DSCAML1: variants seen among roughly 807,000 people sequenced by gnomAD.
The protein encoded by DSCAML1 is cell adhesion molecule DSCAML1.
A neutral mutation model predicts 200.5 loss-of-function variants in DSCAML1; 38 were observed. The observed-to-expected ratio is 0.19, with a 90% CI of 0.15 to 0.25. The LOEUF (loss-of-function observed/expected upper bound fraction) is 0.25, where lower values mean the gene tolerates loss of function less well. DSCAML1 is among the 10% of genes least tolerant of loss of function. The pLI, the probability that DSCAML1 is intolerant of heterozygous loss-of-function variation, is 1.00. For synonymous variants in DSCAML1, 1,215 were observed against 1,165.0 expected (o/e 1.04, Z -0.87); for missense variants, 2,223 against 2,858.8 (o/e 0.78, Z 5.07).
At chr11:117,621,505 G>A (rs1342044714) in intron 3 of DSCAML1, among the ~76,000 whole-genome samples, 2 of 152,344 alleles carry the variant, frequency 1.3e-5, no homozygotes, top group East Asian at 3.9e-4. Context: ...GGGAGGATAA[G>A]TGGTGCTTTA....
At chr11:117,672,431 AG>A (rs11349267) in intron 3 of DSCAML1, among the ~76,000 whole-genome samples, 5,466 of 152,242 alleles carry the variant, frequency 0.036, 133 homozygotes, top group Middle Eastern at 0.082. Context: ...CTATTAGCAA[AG>A]ATTCACAAAA....
In DSCAML1 at chr11:117,481,289, G is replaced by A. The variant is rs201498661; in HGVS notation, c.2560-19C>T. The A allele has an allele frequency of 3.1e-5, 50 of 1,611,348 alleles. No homozygotes were observed. Among genetic ancestry groups the A allele is most frequent in the Middle Eastern group, 3.3e-4 (2 of 6,056 alleles). ...GCTTGAGCTGGGAGACCACCAGCAG[G>A]GGCAGGAGAGGGAGTAAACAGGGAG... On this transcript the variant is annotated intron_variant, in intron 12 of 32. Transcript: ENST00000651296.
At chr11:117,682,470 T>C (rs997075991) in intron 3 of DSCAML1, among the ~76,000 whole-genome samples, 2 of 152,206 alleles carry the variant, frequency 1.3e-5, no homozygotes, top group African/African-American at 4.8e-5. Context: ...ACCTCTCCCA[T>C]GGCCCATCCA....
At chr11:117,536,101 G>A (rs2050162972) in intron 3 of DSCAML1, among the ~76,000 whole-genome samples, 2 of 151,932 alleles carry the variant, frequency 1.3e-5, no homozygotes, top group South Asian at 2.1e-4. Flanking sequence ...GCAGGCTGCA[G>A]CCAGGGGGAT....
intron 3 of DSCAML1, among the ~76,000 whole-genome samples, chr11:117,698,182 T>C (rs936727252): frequency 6.6e-6 from 1 of 152,338 alleles, no homozygotes; most frequent in East Asian, 1.9e-4. Flanking sequence ...CTTTAACTAT[T>C]GTGAAGGCTG....
intron 3 of DSCAML1, among the ~76,000 whole-genome samples, chr11:117,541,366 A>G (rs550967092): frequency 6.6e-6 from 1 of 152,332 alleles, no homozygotes; most frequent in South Asian, 2.1e-4. Flanking sequence ...TTCACCCTGT[A>G]TGCCAGCTCC....
chr11:117,816,582 G>A (rs556558455), intron 1 of DSCAML1, among the ~76,000 whole-genome samples: 1 of 152,182 alleles, frequency 6.6e-6, no homozygotes, highest in Non-Finnish European at 1.5e-5. Flanking sequence ...CGAGCAGAGC[G>A]GAGGGAGGGT....
At position 117,524,842 on chromosome 11, in the gene DSCAML1, G is replaced by T. The variant is rs755827831; in HGVS notation, c.900C>A (p.Phe300Leu). 6.3e-7 allele frequency: 1 copy of T among 1,594,982 alleles called. No individual in the cohort carries two copies. The highest frequency in any genetic ancestry group is 8.5e-7 in the Non-Finnish European group (1 of 1,170,078). ...GGATGCCTGTGGCCTCTGCCGAACCGAAGGTGTTGGTGACCTCACAAATGT... is the reference window on the plus strand; with the variant it reads ...GGATGCCTGTGGCCTCTGCCGAACCTAAGGTGTTGGTGACCTCACAAATGT... The part of the protein sequence containing the change: ...GTYICEVTNT[F>L]GSAEATGILM... Residue 300 changes from phenylalanine (F) to leucine (L), a missense_variant, in exon 5 of 33, where the codon TTC becomes TTA. This residue lies in a region of DSCAML1 where 579 missense variants were observed against 721.5 expected (regional missense o/e 0.80). Coordinates refer to ENST00000651296, the MANE Select transcript of DSCAML1 (RefSeq NM_020693.4).
intron 3 of DSCAML1, among the ~76,000 whole-genome samples, chr11:117,692,860 T>C (rs936757413): frequency 1.3e-5 from 2 of 152,242 alleles, no homozygotes; most frequent in African/African-American, 4.8e-5. Flanking sequence ...TCCCAAGTTC[T>C]GCCCTCTGGA....
chr11:117,540,270 A>G (rs1017480413), intron 3 of DSCAML1, among the ~76,000 whole-genome samples: 2 of 152,206 alleles, frequency 1.3e-5, no homozygotes, highest in African/African-American at 4.8e-5. Context: ...TCAGATCAGC[A>G]GCAGCATTAG....
chr11:117,512,643 T>TACAC (rs71037481), intron 8 of DSCAML1, among the ~76,000 whole-genome samples: 2,944 of 125,000 alleles, frequency 0.024, 44 homozygotes, highest in Middle Eastern at 0.057. Context: ...CAAGCGTGTG[T>TACAC]ACACACACAC....
At chr11:117,658,870 T>C (rs1287344138) in intron 3 of DSCAML1, among the ~76,000 whole-genome samples, 2 of 152,210 alleles carry the variant, frequency 1.3e-5, no homozygotes, top group African/African-American at 4.8e-5. Context: ...TGAGCAAATG[T>C]TGGTTAACTG....
At chr11:117,458,966 G>T (rs2048426526) in intron 18 of DSCAML1, 57 bp from the exon 19 acceptor site, 6 of 1,580,194 alleles carry the variant, frequency 3.8e-6, no homozygotes, top group Non-Finnish European at 3.4e-6. Flanking sequence ...GGCCCCTGCT[G>T]CTACCCCTGC....
intron 30 of DSCAML1, 89 bp from the exon 31 acceptor site, chr11:117,431,817 G>A: frequency 1.5e-6 from 2 of 1,321,340 alleles, no homozygotes; most frequent in Non-Finnish European, 2.0e-6. Context: ...GCAGGGGGGA[G>A]CAAGGGAAGA....
chr11:117,667,728 G>A (rs766025812), intron 3 of DSCAML1, among the ~76,000 whole-genome samples: 25 of 152,198 alleles, frequency 1.6e-4, no homozygotes, highest in Non-Finnish European at 3.4e-4. Flanking sequence ...AGAGTTGATC[G>A]TTGATTATAG....
intron 3 of DSCAML1, among the ~76,000 whole-genome samples, chr11:117,571,495 T>C (rs1239150899): frequency 2.6e-5 from 4 of 152,194 alleles, no homozygotes; most frequent in Admixed American, 2.6e-4. Flanking sequence ...CCTGGAGCAC[T>C]AGCCTTCATC....
intron 1 of DSCAML1, 29 bp downstream of exon 1, chr11:117,797,005 C>CGCCGCCCA (rs1263711254): frequency 3.6e-6 from 5 of 1,395,230 alleles, no homozygotes; most frequent in East Asian, 2.9e-5. Context: ...CCGCCGCCTC[C>CGCCGCCCA]GCCGCCCAGC....
chr11:117,593,904 G>A (rs1252371213), intron 3 of DSCAML1, among the ~76,000 whole-genome samples: 2 of 151,798 alleles, frequency 1.3e-5, no homozygotes, highest in South Asian at 2.1e-4. Context: ...TAGTAGAGAC[G>A]GTGTTTCACC....
intron 3 of DSCAML1, among the ~76,000 whole-genome samples, chr11:117,723,455 G>C (rs77047087): frequency 6.6e-6 from 1 of 152,082 alleles, no homozygotes; most frequent in Non-Finnish European, 1.5e-5. Context: ...AACAAATGCC[G>C]TGCTAAAATC....
Sources: allele counts gnomAD v4.1 joint callset (sites outside exome capture counted in the v4.1 genomes callset), GRCh38; gene constraint gnomAD v4.1.1; regional missense constraint gnomAD v4.1.1; transcripts MANE v1.5; gene names NCBI Gene and HGNC (gene_info 2026-07-23, HGNC 2026-07-21).